The following SLC36A3 variants were observed in gnomAD, a reference collection of about 807,000 sequenced individuals.
SLC36A3 encodes the protein solute carrier family 36 member 3, also known as proton-coupled amino acid transporter 3.
A neutral mutation model predicts 44.3 loss-of-function variants in SLC36A3; 35 were observed. The ratio of observed to expected loss-of-function variants is 0.79; its 90% CI spans 0.60 to 1.05. The LOEUF (loss-of-function observed/expected upper bound fraction) is 1.05. Ranked by LOEUF, SLC36A3 falls within the 50% of genes least tolerant of loss-of-function variation. The pLI is 0.00. For missense variants in SLC36A3, 540 were observed against 578.7 expected (o/e 0.93, Z 0.69); for synonymous variants, 211 against 227.6 (o/e 0.93, Z 0.66).
rs59655197 is a variant in SLC36A3 at position 151,288,423 on chromosome 5, C to T, written c.452G>A (p.Ser151Asn). Residue 151 changes from serine (S) to asparagine (N), a missense_variant, in exon 5 of 10, where the codon AGT (serine) becomes AAT (asparagine). Physicochemically the swap from Ser to Asn is conservative, Grantham distance 46. Coordinates refer to ENST00000335230, the MANE Select transcript of SLC36A3 (RefSeq NM_181774.4). ...LLVITQLGFC[S>N]VYFMFMADNL... ...GTCTGCCATAAACATAAAATAAACA[C>T]TGCAGAAGCCCAGCTGGGTGATGAC... is the stretch of plus-strand genomic sequence containing the variant. The T allele has an allele frequency of 1.9e-6, 3 of 1,601,984 alleles. No individual in the cohort carries two copies. The African/African-American group carries it at 4.0e-5, about 22-fold the overall frequency.
chr5:151,296,074 G>A (rs1253834654), intron 3 of SLC36A3, 106 bp downstream of exon 3: 1 of 1,003,274 alleles, frequency 1.0e-6, no homozygotes, highest in Non-Finnish European at 1.5e-6. Context: ...TGGTAGGAAG[G>A]TGGCCTGGAG....
At chr5:151,296,338 T>A in intron 2 of SLC36A3, 70 bp from the exon 3 acceptor site, 1 of 1,349,536 alleles carries the variant, frequency 7.4e-7, no homozygotes, top group Non-Finnish European at 1.1e-6. Context: ...CCTCTCACAG[T>A]CTGCGTGCTG....
chr5:151,299,227 T>G (rs1024722630), intron 1 of SLC36A3, among the ~76,000 whole-genome samples: 18 of 57,248 alleles, frequency 3.1e-4, no homozygotes, highest in Middle Eastern at 8.5e-3. Flanking sequence ...GCTTGTGCGC[T>G]CTCTCTCTCT....
intron 4 of SLC36A3, among the ~76,000 whole-genome samples, chr5:151,292,237 A>AT (rs1432521288): frequency 6.6e-5 from 10 of 152,148 alleles, no homozygotes; most frequent in Non-Finnish European, 2.9e-5. Context: ...TACTTTAAAT[A>AT]TTTTTTAAAT....
chr5:151,288,888 G>A lies in SLC36A3; in HGVS notation c.405-418C>T, dbSNP rs538300542. 3.0e-3 allele frequency: 458 copies of A among 151,854 alleles called. 6 individuals are homozygous for A. Among genetic ancestry groups the A allele is most frequent in the Non-Finnish European group, 4.2e-3 (285 of 68,102 alleles). The allele number at this position is 151,854 out of a possible 1,614,324, so 9.4% of individuals were successfully genotyped here. On this transcript the variant is annotated intron_variant, in intron 4 of 9. Coordinates refer to ENST00000335230, the MANE Select transcript of SLC36A3 (RefSeq NM_181774.4). ...AACCTGACTAACATGGTGAAACCCC[G>A]TCTCTACTAAAAATACAAAAATTAG...
intron 1 of SLC36A3, 103 bp from the exon 2 acceptor site, chr5:151,298,786 GA>G: frequency 8.8e-7 from 1 of 1,136,026 alleles, no homozygotes; most frequent in Non-Finnish European, 1.3e-6. Flanking sequence ...CTGATAGGAA[GA>G]GGGGCAAAAC....
At position 151,281,091 on chromosome 5, in the gene SLC36A3, A is replaced by G. The variant is rs753480760; in HGVS notation, c.1067T>C (p.Phe356Ser). 5 of 1,614,082 alleles carry G rather than the reference A, an allele frequency of 3.1e-6. No homozygotes were observed. The South Asian group carries it at 5.5e-5, about 18-fold the overall frequency. The change falls in exon 9 of 10, where the codon TTT (phenylalanine) becomes TCT (serine). Residue 356 changes from phenylalanine (F) to serine (S), a missense_variant. Phe to Ser is a radical substitution (Grantham distance 155). Coordinates refer to ENST00000335230, the MANE Select transcript of SLC36A3 (RefSeq NM_181774.4). The stretch of plus-strand genomic sequence containing the variant: ...GCTCTCTGACACTTGGGAGATGGCA[A>G]ACGGGATGATGATCTCAGCTGGGAC... ...FHVPAEIIIP[F>S]AISQVSESWA...
At chr5:151,282,757 A>C (rs187277528) in intron 8 of SLC36A3, among the ~76,000 whole-genome samples, 13 of 152,244 alleles carry the variant, frequency 8.5e-5, no homozygotes, top group African/African-American at 3.1e-4. Context: ...CATATTGCCC[A>C]TTTGCTGTCC....
At chr5:151,299,218 C>A (rs1755065511) in intron 1 of SLC36A3, among the ~76,000 whole-genome samples, 1 of 133,166 alleles carries the variant, frequency 7.5e-6, no homozygotes. Flanking sequence ...ATATGAATTG[C>A]TTGTGCGCTC....
chr5:151,296,089 G>A lies in SLC36A3; in HGVS notation c.308+91C>T, dbSNP rs1754948248. 6 of 1,228,064 alleles carry A rather than the reference G, an allele frequency of 4.9e-6. No homozygotes were observed. In the East Asian group the frequency reaches 9.5e-5, roughly 19 times the overall value. 76.1% of individuals were successfully genotyped at this position (1,228,064 alleles called of 1,614,324 possible). A position where few individuals can be genotyped will look rare whatever the true frequency, so the allele number is the denominator to read the frequency against. On this transcript the variant is annotated intron_variant, in intron 3 of 9. Coordinates refer to ENST00000335230, the MANE Select transcript of SLC36A3 (RefSeq NM_181774.4). The stretch of plus-strand genomic sequence containing the variant: ...TGGTAGGAAGGTGGCCTGGAGCAGT[G>A]GCCGAATTAATTGGGTCAGTGGTCA...
intron 1 of SLC36A3, among the ~76,000 whole-genome samples, chr5:151,301,561 C>T (rs116083179): frequency 0.028 from 4,327 of 152,080 alleles, 87 homozygotes; most frequent in South Asian, 0.038. Context: ...GATCAATCAG[C>T]ACTCCCCACT....
intron 9 of SLC36A3, among the ~76,000 whole-genome samples, chr5:151,279,054 T>A (rs1754211857): frequency 6.6e-6 from 1 of 152,034 alleles, no homozygotes; most frequent in African/African-American, 2.4e-5. Flanking sequence ...ACTCTCCACT[T>A]CTCCAAAGGG....
chr5:151,282,889 T>TC (rs200034417), intron 8 of SLC36A3, among the ~76,000 whole-genome samples: 1,483 of 59,548 alleles, frequency 0.025, 13 homozygotes, highest in African/African-American at 0.1. Context: ...TTTCTTTCTT[T>TC]TTTTTTTTTT....
intron 8 of SLC36A3, 67 bp downstream of exon 8, chr5:151,283,977 C>G (rs528745057): frequency 2.0e-5 from 30 of 1,511,156 alleles, no homozygotes; most frequent in Middle Eastern, 2.2e-4. Flanking sequence ...TTGCTGTGCT[C>G]TCTGCTATGA....
At chr5:151,303,123 A>G in intron 1 of SLC36A3, 104 bp downstream of exon 1, 2 of 1,374,294 alleles carry the variant, frequency 1.5e-6, no homozygotes, top group Non-Finnish European at 2.0e-6. Flanking sequence ...TATCGTGTTA[A>G]TGGAATAAGC....
Position 151,277,620 on chromosome 5 carries a change from A to T in SLC36A3, c.1186T>A (p.Ser396Thr). ...CTGCTGCTCACGGAGCCTACCAGGG[A>T]GATGACCAAGTCCAGGCGGGGGATG... is the stretch of plus-strand genomic sequence containing the variant. The part of the protein sequence containing the change: ...ILIPRLDLVI[S>T]LVGSVSSSAL... Residue 396 changes from serine to threonine, a missense_variant, in exon 10 of 10, where the codon TCC becomes ACC. By Grantham distance (58) the Ser-to-Thr change is moderately conservative. Transcript: ENST00000335230. 1 of 1,614,162 alleles carries T rather than the reference A, an allele frequency of 6.2e-7. No homozygotes were observed. Among genetic ancestry groups the T allele is most frequent in the Non-Finnish European group, 8.5e-7 (1 of 1,180,016 alleles).
chr5:151,287,245 C>A lies in SLC36A3; in HGVS notation c.708+1G>T. ...GATCCTTTCTTCCCTATGGCACAGACCTCCATGATATACTCAAAGATCAGA... is the reference window on the plus strand; with the variant it reads ...GATCCTTTCTTCCCTATGGCACAGAACTCCATGATATACTCAAAGATCAGA... On this transcript the variant is annotated splice_donor_variant, in intron 6 of 9. Transcript: ENST00000335230. LOFTEE classifies it high-confidence loss of function. The A allele has an allele frequency of 1.2e-6, 2 of 1,614,066 alleles. No homozygotes were observed. Among genetic ancestry groups the A allele is most frequent in the Non-Finnish European group, 1.7e-6 (2 of 1,179,986 alleles).
intron 2 of SLC36A3, 59 bp downstream of exon 2, chr5:151,298,534 C>T (rs557985770): frequency 1.3e-6 from 2 of 1,556,566 alleles, no homozygotes; most frequent in Non-Finnish European, 1.8e-6. Flanking sequence ...GCCTTCAGGA[C>T]CTATCACCCC....
chr5:151,285,667 G>T (rs1263404848), intron 6 of SLC36A3, among the ~76,000 whole-genome samples: 2 of 151,998 alleles, frequency 1.3e-5, no homozygotes, highest in African/African-American at 4.8e-5. Flanking sequence ...TGGGATTAAG[G>T]TTTCCAATCA....
Sources: allele counts gnomAD v4.1 joint callset (sites outside exome capture counted in the v4.1 genomes callset), GRCh38; gene constraint gnomAD v4.1.1; transcripts MANE v1.5; gene names NCBI Gene and HGNC (gene_info 2026-07-23, HGNC 2026-07-21).